The following GNAI2 variants were observed in gnomAD, a reference collection of about 807,000 sequenced individuals.
The protein encoded by GNAI2 is G protein subunit alpha i2.
A neutral mutation model predicts 36.8 loss-of-function variants in GNAI2; 4 were observed. The observed-to-expected ratio is 0.11, with a 90% confidence interval of 0.05 to 0.25. The LOEUF (loss-of-function observed/expected upper bound fraction) is 0.25, where lower values mean the gene tolerates loss of function less well. GNAI2 is among the 10% of genes least tolerant of loss of function. The pLI, the probability that GNAI2 is intolerant of heterozygous loss-of-function variation, is 1.00. For synonymous variants in GNAI2, 194 were observed against 194.1 expected, an observed-to-expected ratio of 1.00 and a Z score of 0.01; for missense variants, 230 against 481.3, an observed-to-expected ratio of 0.48 and a Z score of 4.89.
At position 50,236,473 on chromosome 3, in the gene GNAI2, T is replaced by G; in HGVS notation, c.118+20T>G. 1 of 1,570,804 alleles carries G rather than the reference T, an allele frequency of 6.4e-7. No homozygotes were observed. The highest frequency in any genetic ancestry group is 8.6e-7 in the Non-Finnish European group (1 of 1,162,940). On this transcript the variant is annotated intron_variant, in intron 1 of 8. Coordinates refer to ENST00000313601, the MANE Select transcript of GNAI2 (RefSeq NM_002070.4). The surrounding 1 kb of genome is among the most constrained non-coding windows in gnomAD (Gnocchi z 4.0). The stretch of plus-strand genomic sequence containing the variant: ...TGTTGGGTGAGGCCGCGTCCCGCAC[T>G]GGGATCCTTGATTCCCAGCTCGAAT...
In GNAI2 at chr3:50,253,152, A is replaced by G. The variant is rs1700607641; in HGVS notation, c.432A>G (p.Ser144=). The G allele has an allele frequency of 1.2e-6, 2 of 1,612,684 alleles. No individual in the cohort carries two copies. The highest frequency in any genetic ancestry group is 4.5e-5 in the East Asian group (2 of 44,808). ...DHGVQACFGR[S]REYQLNDSAA... ...GTGTGCAGGCCTGCTTTGGCCGCTC[A>G]AGGGAATACCAGCTCAACGACTCAG... Residue 144 remains serine, a synonymous_variant, in exon 4 of 9, where the codon TCA becomes TCG. Transcript: ENST00000313601. The surrounding 1 kb of genome is among the most constrained non-coding windows in gnomAD (Gnocchi z 4.2).
intron 1 of GNAI2, among the ~76,000 whole-genome samples, chr3:50,246,414 G>T (rs1256935977): frequency 6.6e-6 from 1 of 152,236 alleles, no homozygotes; most frequent in Non-Finnish European, 1.5e-5. Context: ...GGGACGTGGG[G>T]GTGCACGGGA....
rs1321233474 is a variant in GNAI2 at position 50,238,883 on chromosome 3, TC to T, written c.118+2433del. Among the ~76,000 whole-genome samples, 2 of 152,052 alleles carry T rather than the reference TC, an allele frequency of 1.3e-5. No individual in the cohort carries two copies. Among genetic ancestry groups the T allele is most frequent in the African/African-American group, 4.8e-5 (2 of 41,370 alleles). On this transcript the variant is annotated intron_variant, in intron 1 of 8. Transcript: ENST00000313601. The surrounding 1 kb of genome is among the most constrained non-coding windows in gnomAD (Gnocchi z 5.0). ...ACTCAGGTTGGGCAACTGCCAGCCT[TC>T]CCTCCCAGCCAGAACCACGCCTGCT... is the stretch of plus-strand genomic sequence containing the variant.
At position 50,256,183 on chromosome 3, in the gene GNAI2, C is replaced by CCA; in HGVS notation, c.465-9_465-8insCA. 8 of 1,497,442 alleles carry CCA rather than the reference C, an allele frequency of 5.3e-6. No homozygotes were observed. The highest frequency in any genetic ancestry group is 7.4e-6 in the Non-Finnish European group (8 of 1,082,876). 92.8% of individuals were successfully genotyped at this position (1,497,442 alleles called of 1,614,324 possible). ...GGCCCCCACTGACCCTCCCACCCCC[C>CCA]ATCCCCAGCTACCTGAACGACCTGG... On this transcript the variant is annotated splice_polypyrimidine_tract_variant and intron_variant, in intron 4 of 8. Transcript: ENST00000313601.
chr3:50,234,753 G>A (rs1012758648), upstream of GNAI2, among the ~76,000 whole-genome samples: 1 of 152,200 alleles, frequency 6.6e-6, no homozygotes, highest in Non-Finnish European at 1.5e-5. Flanking sequence ...TTTGGGCTGG[G>A]GCCTCCTAGC....
upstream of GNAI2, among the ~76,000 whole-genome samples, chr3:50,232,175 C>T (rs1457100324): frequency 1.3e-5 from 2 of 152,044 alleles, no homozygotes; most frequent in Admixed American, 6.5e-5. Context: ...ACTAAAAATA[C>T]AAAAATTAGC....
At chr3:50,247,059 G>A (rs1553701856) in intron 1 of GNAI2, 5 of 868,856 alleles carry the variant, frequency 5.8e-6, no homozygotes, top group South Asian at 5.7e-5. Context: ...TTCTCTGCAG[G>A]TTGCAGGAAA....
intron 1 of GNAI2, among the ~76,000 whole-genome samples, chr3:50,237,905 C>T (rs1700215943): frequency 6.6e-6 from 1 of 152,230 alleles, no homozygotes; most frequent in African/African-American, 2.4e-5. Flanking sequence ...TCGTGCTGGA[C>T]CTGTGGCCGA....
Position 50,251,868 on chromosome 3 carries a change from G to T in GNAI2, c.119-232G>T. On this transcript the variant is annotated intron_variant, in intron 1 of 8. Coordinates refer to ENST00000313601, the MANE Select transcript of GNAI2 (RefSeq NM_002070.4). Reference sequence around the variant, plus strand: ...CAGAGCTTGTGGGAGGCAAAGGCCTGCAGAGAGTCTGCCATGGGGCACAGG... The same window carrying T: ...CAGAGCTTGTGGGAGGCAAAGGCCTTCAGAGAGTCTGCCATGGGGCACAGG... 3.6e-6 allele frequency: 4 copies of T among 1,124,370 alleles called. No homozygotes were observed. In the South Asian group the frequency reaches 6.5e-5, roughly 18 times the overall value. 69.6% of individuals were successfully genotyped at this position (1,124,370 alleles called of 1,614,324 possible). A position where few individuals can be genotyped will look rare whatever the true frequency, so the allele number is the denominator to read the frequency against.
intron 7 of GNAI2, 32 bp downstream of exon 7, chr3:50,257,122 G>A (rs1553703359): frequency 3.1e-6 from 5 of 1,601,124 alleles, no homozygotes; most frequent in Non-Finnish European, 4.3e-6. Context: ...GGCCTCCAGA[G>A]GGTTGCTTCT....
chr3:50,241,540 G>T lies in GNAI2; in HGVS notation c.118+5087G>T, dbSNP rs1700299830. 6.6e-6 allele frequency among the ~76,000 whole-genome samples: 1 copy of T among 152,184 alleles called. No individual in the cohort carries two copies. The highest frequency in any genetic ancestry group is 1.5e-5 in the Non-Finnish European group (1 of 68,020). The stretch of plus-strand genomic sequence containing the variant: ...TAGGAGTGAGACTAGGTCCTTTAAG[G>T]GATACCTCTGAGCTGAGAGACTAGG... On this transcript the variant is annotated intron_variant, in intron 1 of 8. Coordinates refer to ENST00000313601, the MANE Select transcript of GNAI2 (RefSeq NM_002070.4). The surrounding 1 kb of genome is among the most constrained non-coding windows in gnomAD (Gnocchi z 5.0).
chr3:50,239,237 T>A (rs1484231166), intron 1 of GNAI2, among the ~76,000 whole-genome samples: 1 of 152,340 alleles, frequency 6.6e-6, no homozygotes, highest in South Asian at 2.1e-4. Context: ...AAGGAGACAG[T>A]GTCCACCATT....
intron 8 of GNAI2, 63 bp downstream of exon 8, chr3:50,257,777 G>T: frequency 1.2e-6 from 1 of 818,994 alleles, no homozygotes. Flanking sequence ...AGCCCCAGCA[G>T]GGGGTTCTGG....
At chr3:50,231,051 C>A in intron 1 of GNAI2, 1 of 592,610 alleles carries the variant, frequency 1.7e-6, no homozygotes, top group Non-Finnish European at 2.1e-6. Flanking sequence ...TTCCCCAGAC[C>A]CCTGCCTCTC....
At position 50,252,204 on chromosome 3, in the gene GNAI2, C is replaced by T; in HGVS notation, c.161+62C>T. On this transcript the variant is annotated intron_variant, in intron 2 of 8. Transcript: ENST00000313601. This position sits in a 1 kb window ranked among gnomAD's most constrained non-coding sequence, Gnocchi z 4.1. ...AGCTTCCCCTCTTCACCCTCTGGGC[C>T]TGCACTGCCCCCGACTACAGGCCCA... 1 of 1,521,946 alleles carries T rather than the reference C, an allele frequency of 6.6e-7. No individual in the cohort carries two copies. The highest frequency in any genetic ancestry group is 1.1e-5 in the South Asian group (1 of 88,412). The allele number at this position is 1,521,946 out of a possible 1,614,324, so 94.3% of individuals were successfully genotyped here. A position where few individuals can be genotyped will look rare whatever the true frequency, so the allele number is the denominator to read the frequency against.
In GNAI2 at chr3:50,237,827, A is replaced by G. The variant is rs971818028; in HGVS notation, c.118+1374A>G. Among the ~76,000 whole-genome samples the G allele has an allele frequency of 4.0e-5, 6 of 151,592 alleles. 1 individual carries two copies. The highest frequency in any genetic ancestry group is 2.6e-4 in the Admixed American group (4 of 15,238). On this transcript the variant is annotated intron_variant, in intron 1 of 8. Transcript: ENST00000313601. Reference sequence around the variant, plus strand: ...AGCACCGTTGTAGGCTGAGAAGTGCATGGGGGGGTGTGGCCCCTCGACTTC... The same window carrying G: ...AGCACCGTTGTAGGCTGAGAAGTGCGTGGGGGGGTGTGGCCCCTCGACTTC...
upstream of GNAI2, chr3:50,227,367 A>G: frequency 9.9e-6 from 4 of 403,702 alleles, no homozygotes; most frequent in South Asian, 1.3e-4. The surrounding 1 kb of genome is among the most constrained non-coding windows in gnomAD (Gnocchi z 5.9). Flanking sequence ...GGCGGGGGCC[A>G]GGCCCGGAGG....
chr3:50,246,974 G>A, intron 1 of GNAI2: 1 of 1,497,038 alleles, frequency 6.7e-7, no homozygotes, highest in Non-Finnish European at 9.0e-7. Context: ...GTTAGCCGCT[G>A]TCCATTGCTC....
chr3:50,236,051 CT>C (rs1438102345), upstream of GNAI2: 6 of 390,890 alleles, frequency 1.5e-5, no homozygotes, highest in Non-Finnish European at 2.2e-5. This position sits in a 1 kb window ranked among gnomAD's most constrained non-coding sequence, Gnocchi z 4.0. Flanking sequence ...TAACTTCCCC[CT>C]TCGCTCCGCC....
Sources: allele counts gnomAD v4.1 joint callset (sites outside exome capture counted in the v4.1 genomes callset), GRCh38; gene constraint gnomAD v4.1.1; non-coding constraint Gnocchi (gnomAD v3.1); transcripts MANE v1.5; gene names NCBI Gene and HGNC (gene_info 2026-07-23, HGNC 2026-07-21).